AOAH: variants seen among roughly 807,000 people sequenced by gnomAD.
AOAH encodes the protein acyloxyacyl hydrolase (neutrophil).
AOAH carries 64 observed loss-of-function variants against 92.2 expected under a neutral mutation model. The observed-to-expected ratio is 0.69, with a 90% CI of 0.57 to 0.86. The LOEUF is 0.86. AOAH is among the 40% of genes least tolerant of loss of function. The pLI is 0.00. For synonymous variants in AOAH, 263 were observed against 254.5 expected, an observed-to-expected ratio of 1.03 and a Z score of -0.32; for missense variants, 656 against 694.6, an observed-to-expected ratio of 0.94 and a Z score of 0.62.
intron 1 of AOAH, among the ~76,000 whole-genome samples, chr7:36,717,812 G>C (rs939032949): frequency 3.0e-5 from 4 of 131,990 alleles, no homozygotes; most frequent in Non-Finnish European, 6.2e-5. Flanking sequence ...TGCTATATTT[G>C]TGGTGAGGAA....
At chr7:36,645,855 G>C (rs1402038343) in intron 4 of AOAH, among the ~76,000 whole-genome samples, 1 of 151,288 alleles carries the variant, frequency 6.6e-6, no homozygotes, top group African/African-American at 2.4e-5. Context: ...ATCACTGAAT[G>C]CCTCTTCTTC....
chr7:36,612,671 G>T (rs564966818), intron 11 of AOAH, among the ~76,000 whole-genome samples: 1 of 152,264 alleles, frequency 6.6e-6, no homozygotes, highest in South Asian at 2.1e-4. Flanking sequence ...TTTCAGAGAA[G>T]TTCTAGTAAC....
intron 4 of AOAH, among the ~76,000 whole-genome samples, chr7:36,658,834 G>A (rs1182849120): frequency 1.3e-5 from 2 of 152,164 alleles, no homozygotes; most frequent in African/African-American, 2.4e-5. Context: ...ACTGGCATGA[G>A]TTGCTCACTC....
chr7:36,668,179 A>G (rs1795667116), intron 3 of AOAH, among the ~76,000 whole-genome samples: 1 of 151,384 alleles, frequency 6.6e-6, no homozygotes, highest in Non-Finnish European at 1.5e-5. Context: ...TACCATCAGA[A>G]ACATGAGAGG....
At chr7:36,576,258 G>A (rs1037890935) in intron 13 of AOAH, among the ~76,000 whole-genome samples, 1 of 152,200 alleles carries the variant, frequency 6.6e-6, no homozygotes, top group Non-Finnish European at 1.5e-5. Flanking sequence ...CTCTTGTTCT[G>A]CTAATGCTCA....
chr7:36,609,800 C>T (rs1489782287), intron 11 of AOAH, among the ~76,000 whole-genome samples: 1 of 152,006 alleles, frequency 6.6e-6, no homozygotes, highest in East Asian at 1.9e-4. Flanking sequence ...TCCTTTTCCC[C>T]ATTGTCATCC....
chr7:36,543,259 AGGG>A (rs1785547116), intron 15 of AOAH, among the ~76,000 whole-genome samples: 1 of 152,180 alleles, frequency 6.6e-6, no homozygotes, highest in African/African-American at 2.4e-5. Flanking sequence ...AAGCGTGGGG[AGGG>A]GCTTTGACTT....
intron 3 of AOAH, among the ~76,000 whole-genome samples, chr7:36,663,682 C>T (rs766807827): frequency 4.6e-5 from 7 of 152,158 alleles, no homozygotes; most frequent in Admixed American, 6.5e-5. Context: ...TATTTCATTG[C>T]GTGGCTGTAC....
intron 13 of AOAH, among the ~76,000 whole-genome samples, chr7:36,555,295 T>C (rs1562564344): frequency 6.6e-6 from 1 of 152,234 alleles, no homozygotes; most frequent in Non-Finnish European, 1.5e-5. Flanking sequence ...ATTTATTGAC[T>C]TGCGCATACT....
At chr7:36,518,797 G>A (rs1783960811) in intron 20 of AOAH, among the ~76,000 whole-genome samples, 1 of 152,192 alleles carries the variant, frequency 6.6e-6, no homozygotes, top group Admixed American at 6.5e-5. Flanking sequence ...TTAGCTTCTT[G>A]TAATACAGCA....
chr7:36,678,115 T>C (rs185305021), intron 2 of AOAH, among the ~76,000 whole-genome samples: 1,943 of 152,332 alleles, frequency 0.013, 33 homozygotes, highest in African/African-American at 0.044. Context: ...ATGTGAATTG[T>C]AGCTTAATAA....
intron 19 of AOAH, among the ~76,000 whole-genome samples, chr7:36,529,825 G>T (rs551091737): frequency 6.6e-6 from 1 of 152,278 alleles, no homozygotes; most frequent in South Asian, 2.1e-4. Flanking sequence ...GCCTGTTTTT[G>T]TGTGGCCACT....
At chr7:36,612,174 GA>G (rs35368108) in intron 11 of AOAH, among the ~76,000 whole-genome samples, 1 of 151,530 alleles carries the variant, frequency 6.6e-6, no homozygotes, top group Non-Finnish European at 1.5e-5. Context: ...AGAAAAGTGA[GA>G]AAAAAAAAGT....
At chr7:36,651,374 T>G (rs187498475) in intron 4 of AOAH, among the ~76,000 whole-genome samples, 1 of 152,304 alleles carries the variant, frequency 6.6e-6, no homozygotes, top group Admixed American at 6.5e-5. Context: ...GTAGACTTAT[T>G]TATAAAATGA....
intron 13 of AOAH, among the ~76,000 whole-genome samples, chr7:36,566,302 C>T (rs145748127): frequency 6.6e-6 from 1 of 150,972 alleles, no homozygotes; most frequent in Non-Finnish European, 1.5e-5. Context: ...CTACGTGTAA[C>T]TGAATTCAGC....
rs905915123 is a variant in AOAH at position 36,662,222 on chromosome 7, C to T, written c.291-2957G>A. Among the ~76,000 whole-genome samples the T allele has an allele frequency of 4.6e-5, 7 of 152,306 alleles. No individual in the cohort carries two copies. The South Asian group carries it at 1.2e-3, about 27-fold the overall frequency. ...ACCAATATGTGAAAACAGGCTGGAA[C>T]CATGGCCACCCAAATTTAATTCCAG... is the stretch of plus-strand genomic sequence containing the variant. On this transcript the variant is annotated intron_variant, in intron 3 of 20. Transcript: ENST00000617537.
intron 19 of AOAH, among the ~76,000 whole-genome samples, chr7:36,523,560 T>C (rs1329881602): frequency 1.3e-5 from 2 of 152,014 alleles, no homozygotes; most frequent in Non-Finnish European, 2.9e-5. Context: ...GGCCATAGTG[T>C]CTTGTAAAGG....
intron 20 of AOAH, among the ~76,000 whole-genome samples, chr7:36,521,272 C>A (rs1392399282): frequency 6.6e-6 from 1 of 152,216 alleles, no homozygotes; most frequent in Non-Finnish European, 1.5e-5. Context: ...AATGGCCCAT[C>A]CCTCCCCATA....
chr7:36,647,437 G>C (rs1238136923), intron 4 of AOAH, among the ~76,000 whole-genome samples: 1 of 152,246 alleles, frequency 6.6e-6, no homozygotes, highest in Non-Finnish European at 1.5e-5. Context: ...TTCTTGAGCT[G>C]AGGGAATTAA....
Sources: gnomAD v4.1 joint callset for allele counts (sites outside exome capture counted in the v4.1 genomes callset) on GRCh38, gnomAD v4.1.1 for gene constraint, MANE v1.5 for transcripts, NCBI Gene and HGNC (gene_info 2026-07-23, HGNC 2026-07-21) for gene names.